The following NUP210 variants were observed in gnomAD, a reference collection of about 807,000 sequenced individuals.
NUP210 encodes the protein nucleoporin 210, also known as nuclear pore membrane glycoprotein 210.
Under a neutral mutation model 196.0 loss-of-function variants are expected in NUP210, and 151 were observed. The observed-to-expected ratio is 0.77, with a 90% CI of 0.67 to 0.88. NUP210 has a LOEUF of 0.88. Ranked by LOEUF, NUP210 falls within the 40% of genes least tolerant of loss-of-function variation. The probability of loss-of-function intolerance (pLI) is 0.00; values close to 1 mark genes in which losing one functional copy is unlikely to be tolerated. For missense variants in NUP210, 2,314 were observed against 2,493.7 expected (o/e 0.93, Z 1.53); for synonymous variants, 1,070 against 1,052.7 (o/e 1.02, Z -0.32).
At chr3:13,382,008 C>T (rs1276758077) in intron 6 of NUP210, among the ~76,000 whole-genome samples, 1 of 152,200 alleles carries the variant, frequency 6.6e-6, no homozygotes, top group Non-Finnish European at 1.5e-5. Flanking sequence ...TGAGCAGCCA[C>T]AGTTAAGTGC....
At chr3:13,408,238 A>G (rs1476907818) in intron 1 of NUP210, among the ~76,000 whole-genome samples, 1 of 152,176 alleles carries the variant, frequency 6.6e-6, no homozygotes, top group Non-Finnish European at 1.5e-5. Flanking sequence ...ATCATGATAT[A>G]TTAGTCTTGT....
intron 14 of NUP210, among the ~76,000 whole-genome samples, chr3:13,363,856 T>C (rs796733140): frequency 1.5e-4 from 23 of 152,338 alleles, no homozygotes; most frequent in African/African-American, 5.3e-4. Context: ...GCTCAGCTTC[T>C]GGCTTCTGCT....
chr3:13,339,810 T>C (rs776895047), intron 25 of NUP210, 44 bp downstream of exon 25: 1 of 1,539,418 alleles, frequency 6.5e-7, no homozygotes, highest in South Asian at 1.1e-5. Flanking sequence ...AAGAGGCTTC[T>C]GTCCCAGGCA....
intron 29 of NUP210, among the ~76,000 whole-genome samples, chr3:13,331,035 G>A (rs1357733078): frequency 6.6e-6 from 1 of 152,050 alleles, no homozygotes; most frequent in Non-Finnish European, 1.5e-5. Flanking sequence ...TGGAGGATGG[G>A]GCTTTGAGTC....
chr3:13,357,582 C>A (rs560286399), intron 16 of NUP210, among the ~76,000 whole-genome samples: 2 of 152,268 alleles, frequency 1.3e-5, no homozygotes, highest in East Asian at 3.9e-4. Context: ...GGGGCTGATG[C>A]TGGCCAGAGG....
rs773002956 is a variant in NUP210, at chr3:13,322,220, C to T, written c.4888G>A (p.Val1630Met). The T allele has an allele frequency of 2.5e-6, 4 of 1,614,234 alleles. No individual in the cohort carries two copies. The highest frequency in any genetic ancestry group is 2.2e-5 in the East Asian group (1 of 44,888). ...FDFPSQDVFT[V>M]EPQFDTALGQ... ...AGAGCAGTGTCAAACTGTGGCTCCACGGTGAACACATCTTGAGATGGGAAA... is the reference window on the plus strand; with the variant it reads ...AGAGCAGTGTCAAACTGTGGCTCCATGGTGAACACATCTTGAGATGGGAAA... Residue 1630 changes from valine (V) to methionine (M), a missense_variant, in exon 35 of 40, where the codon GTG (valine) becomes ATG (methionine). By Grantham distance (21) the Val-to-Met change is conservative (BLOSUM62 1). Coordinates refer to ENST00000254508, the MANE Select transcript of NUP210 (RefSeq NM_024923.4).
Position 13,330,568 on chromosome 3 carries a change from A to T in NUP210, c.4002T>A (p.Val1334=). 5.0e-6 allele frequency: 8 copies of T among 1,614,250 alleles called. No homozygotes were observed. Among genetic ancestry groups the T allele is most frequent in the Non-Finnish European group, 6.8e-6 (8 of 1,180,046 alleles). The change falls in exon 30 of 40, where the codon GTT becomes GTA. Residue 1334 remains valine (V), a synonymous_variant. Coordinates refer to ENST00000254508, the MANE Select transcript of NUP210 (RefSeq NM_024923.4). ...DGPEKVPVVH[V]DEKGFLASGS... ...CTGATGCTAGAAAGCCTTTCTCATC[A>T]ACATGCACAACTGGAACCTTTTCGG...
chr3:13,352,699 G>A (rs1011730097), intron 18 of NUP210, among the ~76,000 whole-genome samples: 3 of 152,186 alleles, frequency 2.0e-5, no homozygotes, highest in Admixed American at 6.5e-5. Context: ...CAGGAATCAC[G>A]TGTTTGAGCA....
intron 30 of NUP210, among the ~76,000 whole-genome samples, chr3:13,329,520 G>A (rs2124841182): frequency 6.6e-6 from 1 of 152,372 alleles, no homozygotes; most frequent in South Asian, 2.1e-4. Context: ...CAGTGGTGCA[G>A]TGTCTGGTAT....
intron 13 of NUP210, among the ~76,000 whole-genome samples, chr3:13,369,242 A>T (rs531381469): frequency 1.3e-5 from 2 of 152,270 alleles, no homozygotes; most frequent in East Asian, 3.9e-4. Flanking sequence ...ACAAATATCT[A>T]TTCAAGTCCT....
chr3:13,319,179 G>A, intron 38 of NUP210, 24 bp from the exon 39 acceptor site: 1 of 1,611,720 alleles, frequency 6.2e-7, no homozygotes, highest in East Asian at 2.2e-5. Flanking sequence ...GGGTTGGTTA[G>A]AGCAGGTCGG....
At chr3:13,403,807 A>G (rs960747162) in intron 1 of NUP210, among the ~76,000 whole-genome samples, 1 of 152,106 alleles carries the variant, frequency 6.6e-6, no homozygotes, top group Non-Finnish European at 1.5e-5. Flanking sequence ...TGCCTCAGCC[A>G]TCTAAGGTGG....
chr3:13,374,546 T>C (rs1204981151), intron 11 of NUP210, among the ~76,000 whole-genome samples: 2 of 152,126 alleles, frequency 1.3e-5, no homozygotes, highest in African/African-American at 4.8e-5. Flanking sequence ...TCTGTCCTCA[T>C]ATTCTGGGGA....
At chr3:13,378,058 G>A (rs1698979633) in intron 8 of NUP210, among the ~76,000 whole-genome samples, 1 of 152,132 alleles carries the variant, frequency 6.6e-6, no homozygotes, top group Admixed American at 6.5e-5. Flanking sequence ...GACCAACCCT[G>A]GACTCATCCC....
intron 3 of NUP210, among the ~76,000 whole-genome samples, chr3:13,396,779 A>AG (rs1418500769): frequency 6.6e-6 from 1 of 151,154 alleles, no homozygotes; most frequent in Non-Finnish European, 1.5e-5. Flanking sequence ...AAAAAAAAAA[A>AG]AAAGTTTCCC....
rs763946735 is a variant in NUP210 at position 13,322,256 on chromosome 3, C to A, written c.4852G>T (p.Ala1618Ser). 2.9e-5 allele frequency: 47 copies of A among 1,614,106 alleles called. No individual in the cohort carries two copies. The highest frequency in any genetic ancestry group is 3.9e-5 in the Non-Finnish European group (46 of 1,180,052). ...LISCQSQFKP[A>S]VFDFPSQDVF... ...TCTTGAGATGGGAAATCAAAGACGG[C>A]CGGCTTGAACTGGGACTGGCAGCTG... is the stretch of plus-strand genomic sequence containing the variant. Residue 1618 changes from alanine to serine, a missense_variant, in exon 35 of 40, where the codon GCC becomes TCC. Transcript: ENST00000254508.
intron 4 of NUP210, among the ~76,000 whole-genome samples, chr3:13,390,170 G>A (rs1348415974): frequency 1.3e-5 from 2 of 152,218 alleles, no homozygotes; most frequent in Non-Finnish European, 2.9e-5. Context: ...TGGTGGCCGT[G>A]CAGGACAATG....
chr3:13,374,914 C>T (rs1405611487), intron 11 of NUP210, among the ~76,000 whole-genome samples: 8 of 152,158 alleles, frequency 5.3e-5, no homozygotes, highest in South Asian at 2.1e-4. Flanking sequence ...CACGAGGACT[C>T]GAGCCCTGTC....
chr3:13,333,722 G>T (rs1014317172), intron 28 of NUP210, among the ~76,000 whole-genome samples: 1 of 152,122 alleles, frequency 6.6e-6, no homozygotes, highest in African/African-American at 2.4e-5. Context: ...GCATCCACAC[G>T]GAAGCCACCT....
Sources: allele counts gnomAD v4.1 joint callset (sites outside exome capture counted in the v4.1 genomes callset), GRCh38; gene constraint gnomAD v4.1.1; transcripts MANE v1.5; gene names NCBI Gene and HGNC (gene_info 2026-07-23, HGNC 2026-07-21).